The following GALNT17 variants were observed in gnomAD, a reference collection of about 807,000 sequenced individuals.
GALNT17 encodes UDP-GalNAc:polypeptide N-acetylgalactosaminyltransferase-like 3.
GALNT17 carries 29 observed loss-of-function variants against 63.7 expected under a neutral mutation model. That is an observed-to-expected ratio of 0.46 (90% confidence interval 0.34 to 0.62). The LOEUF (loss-of-function observed/expected upper bound fraction) is 0.62, where lower values mean the gene tolerates loss of function less well. Ranked by LOEUF, GALNT17 falls within the 20% of genes least tolerant of loss-of-function variation. GALNT17 has a pLI of 0.01. For synonymous variants in GALNT17, 305 were observed against 318.3 expected (o/e 0.96, Z 0.45); for missense variants, 603 against 799.6 (o/e 0.75, Z 2.97).
intron 5 of GALNT17, among the ~76,000 whole-genome samples, chr7:71,485,637 A>G (rs549143984): frequency 1.3e-4 from 20 of 152,312 alleles, no homozygotes; most frequent in Admixed American, 1.3e-3. Context: ...CACTGTATCT[A>G]TTCCAATTTT....
chr7:71,509,348 C>T (rs918003196), intron 5 of GALNT17, among the ~76,000 whole-genome samples: 1 of 152,152 alleles, frequency 6.6e-6, no homozygotes, highest in African/African-American at 2.4e-5. Context: ...GTTCCAAGTC[C>T]CCACCCTTCA....
At chr7:71,215,521 G>T (rs1789461257) in intron 1 of GALNT17, among the ~76,000 whole-genome samples, 1 of 152,006 alleles carries the variant, frequency 6.6e-6, no homozygotes, top group Non-Finnish European at 1.5e-5. Context: ...TCTTAAAGTA[G>T]AGAGGATTGT....
intron 1 of GALNT17, among the ~76,000 whole-genome samples, chr7:71,320,906 C>T (rs538437511): frequency 2.6e-5 from 4 of 152,294 alleles, no homozygotes; most frequent in Admixed American, 2.0e-4. Context: ...GATGTACCCA[C>T]GTGATAGCAG....
chr7:71,178,620 G>A (rs1261299634), intron 1 of GALNT17, among the ~76,000 whole-genome samples: 1 of 152,058 alleles, frequency 6.6e-6, no homozygotes, highest in East Asian at 1.9e-4. Context: ...GATGGTTTCT[G>A]TTGATCTGTC....
At chr7:71,645,433 CCTCT>C (rs1008782020) in intron 6 of GALNT17, among the ~76,000 whole-genome samples, 1 of 151,980 alleles carries the variant, frequency 6.6e-6, no homozygotes, top group Non-Finnish European at 1.5e-5. Context: ...TCCTACACAC[CCTCT>C]CTCTCTCCTG....
intron 9 of GALNT17, among the ~76,000 whole-genome samples, chr7:71,710,500 T>G (rs1049112938): frequency 6.6e-6 from 1 of 152,092 alleles, no homozygotes; most frequent in Non-Finnish European, 1.5e-5. Context: ...AGAGTGAGAC[T>G]CCATCTCAAA....
intron 4 of GALNT17, among the ~76,000 whole-genome samples, chr7:71,418,253 T>A (rs1211251274): frequency 6.6e-6 from 1 of 152,226 alleles, no homozygotes; most frequent in Non-Finnish European, 1.5e-5. Flanking sequence ...GTGACTTTAG[T>A]CTTTGCCATT....
At chr7:71,468,532 T>G (rs1787575122) in intron 5 of GALNT17, among the ~76,000 whole-genome samples, 1 of 152,168 alleles carries the variant, frequency 6.6e-6, no homozygotes, top group South Asian at 2.1e-4. Context: ...TTGTCCTGCC[T>G]CAGCCTCCTG....
At chr7:71,408,788 G>A (rs553822529) in intron 3 of GALNT17, among the ~76,000 whole-genome samples, 2 of 152,018 alleles carry the variant, frequency 1.3e-5, no homozygotes, top group Non-Finnish European at 2.9e-5. Flanking sequence ...CAGGAGGATC[G>A]CTTGAGCTCA....
intron 1 of GALNT17, among the ~76,000 whole-genome samples, chr7:71,291,966 G>A (rs965039202): frequency 6.6e-6 from 1 of 151,946 alleles, no homozygotes; most frequent in Non-Finnish European, 1.5e-5. Flanking sequence ...CAGAGTGGTT[G>A]GTTCATTTAT....
At chr7:71,321,911 CT>C (rs1791618648) in intron 1 of GALNT17, among the ~76,000 whole-genome samples, 1 of 91,296 alleles carries the variant, frequency 1.1e-5, no homozygotes, top group Non-Finnish European at 2.3e-5. Context: ...TCCTTCCTTC[CT>C]TCCTTCCTTC....
chr7:71,563,370 T>C (rs1413808370), intron 5 of GALNT17, among the ~76,000 whole-genome samples: 1 of 152,076 alleles, frequency 6.6e-6, no homozygotes, highest in Non-Finnish European at 1.5e-5. Context: ...TTGCTCCTGA[T>C]TGTCAGGATG....
In GALNT17 at chr7:71,348,146, A is replaced by G. The variant is rs749266830; in HGVS notation, c.422+12413A>G. Among the ~76,000 whole-genome samples the G allele has an allele frequency of 1.5e-4, 23 of 152,208 alleles. No homozygotes were observed. In the Middle Eastern group the frequency reaches 0.014, roughly 90 times the overall value. On this transcript the variant is annotated intron_variant, in intron 2 of 10. Transcript: ENST00000333538. ...CGTGGTGGTGGGTGCCTGTAATCTC[A>G]GATACTCAGGGGGCTGAGGCAGGAG...
At chr7:71,673,000 T>G (rs1364614392) in intron 8 of GALNT17, among the ~76,000 whole-genome samples, 4 of 17,716 alleles carry the variant, frequency 2.3e-4, no homozygotes, top group Non-Finnish European at 3.0e-3. Context: ...ACAGAGGTGT[T>G]TTTTTTTCCC....
chr7:71,138,580 T>A (rs150523307), intron 1 of GALNT17, among the ~76,000 whole-genome samples: 2,794 of 152,262 alleles, frequency 0.018, 81 homozygotes, highest in African/African-American at 0.061. Context: ...TCATCTTTAT[T>A]GTAGAAAATA....
At chr7:71,515,638 G>A (rs996741574) in intron 5 of GALNT17, among the ~76,000 whole-genome samples, 1 of 152,076 alleles carries the variant, frequency 6.6e-6, no homozygotes, top group Non-Finnish European at 1.5e-5. Flanking sequence ...TTAAATCTCT[G>A]TTCCTTTCCC....
At chr7:71,217,562 C>A (rs781570999) in intron 1 of GALNT17, among the ~76,000 whole-genome samples, 1 of 151,798 alleles carries the variant, frequency 6.6e-6, no homozygotes, top group Non-Finnish European at 1.5e-5. Context: ...GTTGTTCTTA[C>A]CTCTATAAGT....
intron 5 of GALNT17, among the ~76,000 whole-genome samples, chr7:71,437,082 A>G (rs992395737): frequency 1.3e-5 from 2 of 152,150 alleles, no homozygotes; most frequent in African/African-American, 4.8e-5. Context: ...TTAAGTAAAC[A>G]CCACTAGAAG....
At chr7:71,512,372 A>T (rs1191339250) in intron 5 of GALNT17, among the ~76,000 whole-genome samples, 5 of 152,090 alleles carry the variant, frequency 3.3e-5, no homozygotes, top group Admixed American at 3.3e-4. Context: ...GACACGTGAC[A>T]GTGAGAGGTA....
Sources: allele counts gnomAD v4.1 joint callset (sites outside exome capture counted in the v4.1 genomes callset), GRCh38; gene constraint gnomAD v4.1.1; transcripts MANE v1.5; gene names NCBI Gene and HGNC (gene_info 2026-07-23, HGNC 2026-07-21).